Variants in NHS observed in about 807,000 individuals in gnomAD.
NHS encodes the protein NHS actin remodeling regulator.
Under a neutral mutation model 72.5 loss-of-function variants are expected in NHS, and 5 were observed. That is an observed-to-expected ratio of 0.07 (90% CI 0.04 to 0.14). The LOEUF is 0.14. Ranked by LOEUF, NHS falls within the 10% of genes least tolerant of loss-of-function variation. The pLI, the probability that NHS is intolerant of heterozygous loss-of-function variation, is 1.00. For missense variants in NHS, 1,072 were observed against 1,355.7 expected, an observed-to-expected ratio of 0.79 and a Z score of 3.29; for synonymous variants, 464 against 547.7, an observed-to-expected ratio of 0.85 and a Z score of 2.13.
chrX:17,604,020 CAT>C (rs1342432378), intron 1 of NHS, among the ~76,000 whole-genome samples: 3 of 110,848 alleles, frequency 2.7e-5, no homozygotes, highest in Admixed American at 9.7e-5. Flanking sequence ...TCTGTGTCCT[CAT>C]AATAAAATAT....
At chrX:17,684,413 G>A (rs2066148907) in intron 1 of NHS, among the ~76,000 whole-genome samples, 1 of 111,509 alleles carries the variant, frequency 9.0e-6, no homozygotes, top group African/African-American at 3.3e-5. Context: ...TAACTGGGCT[G>A]AAATCAAGGT....
At chrX:17,376,423 G>A in intron 1 of NHS, 101 bp downstream of exon 1, 1 of 766,867 alleles carries the variant, frequency 1.3e-6, no homozygotes, top group Admixed American at 2.6e-5. Context: ...CGCCGCTCCG[G>A]TTGCAGCTTG....
intron 1 of NHS, among the ~76,000 whole-genome samples, chrX:17,394,042 C>T (rs1050625905): frequency 2.0e-4 from 22 of 111,610 alleles, no homozygotes; most frequent in Non-Finnish European, 3.8e-4. Flanking sequence ...GGGTCCCTCA[C>T]TGTTTGGTTT....
chrX:17,684,665 T>G (rs1448531786), intron 1 of NHS, among the ~76,000 whole-genome samples: 2 of 112,097 alleles, frequency 1.8e-5, no homozygotes, highest in Non-Finnish European at 3.8e-5. Flanking sequence ...AACTCAGGAT[T>G]ATACTCTCTC....
chrX:17,572,795 A>G (rs1457747731), intron 1 of NHS, among the ~76,000 whole-genome samples: 2 of 111,492 alleles, frequency 1.8e-5, no homozygotes, highest in Non-Finnish European at 3.8e-5. Flanking sequence ...GCAATTTGGC[A>G]TGTTTTTGCA....
intron 1 of NHS, among the ~76,000 whole-genome samples, chrX:17,472,064 G>A (rs982988354): frequency 1.8e-5 from 2 of 111,435 alleles, no homozygotes; most frequent in Admixed American, 9.6e-5. Flanking sequence ...AAATTTGTTC[G>A]GGGATTCTTG....
At chrX:17,590,158 A>G (rs2065596081) in intron 1 of NHS, among the ~76,000 whole-genome samples, 1 of 112,154 alleles carries the variant, frequency 8.9e-6, no homozygotes. Context: ...AGATTCTCAT[A>G]TATTCCTAAT....
At chrX:17,580,149 C>T (rs1263809114) in intron 1 of NHS, among the ~76,000 whole-genome samples, 1 of 107,287 alleles carries the variant, frequency 9.3e-6, no homozygotes, top group Non-Finnish European at 1.9e-5. Flanking sequence ...TAGTCATTAT[C>T]CTGCCCCTTT....
chrX:17,554,859 T>G (rs1345773914), intron 1 of NHS, among the ~76,000 whole-genome samples: 1 of 111,891 alleles, frequency 8.9e-6, no homozygotes, highest in African/African-American at 3.3e-5. Flanking sequence ...TTTTCTTTTT[T>G]AAAATTATAC....
intron 1 of NHS, among the ~76,000 whole-genome samples, chrX:17,667,578 C>A (rs775661932): frequency 5.9e-4 from 65 of 110,886 alleles, no homozygotes; most frequent in African/African-American, 1.9e-3. Flanking sequence ...AGGGGAAGCA[C>A]CTCATCTGCC....
chrX:17,698,039 C>T (rs1246421426), intron 3 of NHS, among the ~76,000 whole-genome samples: 1 of 110,841 alleles, frequency 9.0e-6, no homozygotes, highest in Non-Finnish European at 1.9e-5. Flanking sequence ...ACAAAATACA[C>T]ATAATTATAA....
At chrX:17,524,997 A>G (rs1249612368) in intron 1 of NHS, among the ~76,000 whole-genome samples, 1 of 111,751 alleles carries the variant, frequency 8.9e-6, no homozygotes, top group Non-Finnish European at 1.9e-5. Flanking sequence ...AAGCCTGCCG[A>G]TCTTAGTAGC....
At position 17,726,922 on chromosome X, in the gene NHS, T is replaced by C; in HGVS notation, c.2816T>C (p.Val939Ala). The C allele has an allele frequency of 8.3e-7, 1 of 1,211,532 alleles. No homozygotes were observed. The highest frequency in any genetic ancestry group is 3.0e-5 in the East Asian group (1 of 33,819). The change falls in exon 7 of 9, where the codon GTT becomes GCT. Residue 939 changes from valine to alanine, a missense_variant. Coordinates refer to ENST00000676302, the MANE Select transcript of NHS (RefSeq NM_001291867.2). ...ASDIPPFKDE[V>A]AESTHYADLW... ...GATATTCCACCATTCAAAGATGAAG[T>C]TGCCGAATCCACACACTATGCAGAC...
intron 1 of NHS, among the ~76,000 whole-genome samples, chrX:17,584,023 G>A (rs989450005): frequency 9.0e-6 from 1 of 111,667 alleles, no homozygotes; most frequent in Non-Finnish European, 1.9e-5. Flanking sequence ...TTGGCATAGA[G>A]GAAGCCCTGA....
intron 1 of NHS, among the ~76,000 whole-genome samples, chrX:17,430,643 G>A (rs977163769): frequency 3.6e-5 from 4 of 110,334 alleles, no homozygotes; most frequent in Admixed American, 9.7e-5. Flanking sequence ...ACTCCTCCCC[G>A]CAGCCTCTGA....
intron 1 of NHS, among the ~76,000 whole-genome samples, chrX:17,509,979 A>C (rs2065079294): frequency 8.9e-6 from 1 of 112,408 alleles, no homozygotes. Flanking sequence ...ACTTTCTACT[A>C]ACATTTTTTA....
chrX:17,664,999 A>C (rs903418579), intron 1 of NHS, among the ~76,000 whole-genome samples: 16 of 109,535 alleles, frequency 1.5e-4, no homozygotes, highest in Non-Finnish European at 3.0e-4. Context: ...TCATTCTCTA[A>C]TTTTTCATTA....
At chrX:17,600,897 G>C (rs2065646618) in intron 1 of NHS, among the ~76,000 whole-genome samples, 1 of 111,976 alleles carries the variant, frequency 8.9e-6, no homozygotes, top group African/African-American at 3.3e-5. Context: ...TATCTGGCAT[G>C]ATGGCCCTCA....
At chrX:17,503,474 A>G (rs1411219758) in intron 1 of NHS, among the ~76,000 whole-genome samples, 2 of 111,445 alleles carry the variant, frequency 1.8e-5, no homozygotes, top group East Asian at 5.7e-4. Flanking sequence ...TCACAATCCT[A>G]TGTGATATAG....
Sources: gnomAD v4.1 joint callset for allele counts (sites outside exome capture counted in the v4.1 genomes callset) on GRCh38, gnomAD v4.1.1 for gene constraint, MANE v1.5 for transcripts, NCBI Gene and HGNC (gene_info 2026-07-23, HGNC 2026-07-21) for gene names.